MIB1: variants seen among roughly 807,000 people sequenced by gnomAD.
MIB1 encodes E3 ubiquitin-protein ligase MIB1.
Under a neutral mutation model 124.5 loss-of-function variants are expected in MIB1, and 278 were observed. The ratio of observed to expected loss-of-function variants is 2.23; its 90% CI spans 2.02 to 2.47. The LOEUF (loss-of-function observed/expected upper bound fraction) is 2.47. Among genes scored for constraint, MIB1 ranks in the 30% most tolerant of loss-of-function variants. MIB1 has a pLI of 0.00. For synonymous variants in MIB1, 446 were observed against 429.4 expected, an observed-to-expected ratio of 1.04 and a Z score of -0.48; for missense variants, 957 against 1,254.4, an observed-to-expected ratio of 0.76 and a Z score of 3.58.
chr18:21,835,394 A>G (rs1210742814), intron 12 of MIB1, among the ~76,000 whole-genome samples: 1 of 152,150 alleles, frequency 6.6e-6, no homozygotes, highest in Non-Finnish European at 1.5e-5. Flanking sequence ...ACATAAGAAG[A>G]GAGGAAAGAG....
chr18:21,843,150 T>C lies in MIB1; in HGVS notation c.1982T>C (p.Ile661Thr). 1 of 1,602,630 alleles carries C rather than the reference T, an allele frequency of 6.2e-7. No individual in the cohort carries two copies. The highest frequency in any genetic ancestry group is 8.5e-7 in the Non-Finnish European group (1 of 1,175,800). The change falls in exon 14 of 21, where the codon ATC (isoleucine) becomes ACC (threonine). Residue 661 changes from isoleucine to threonine, a missense_variant. Physicochemically the swap from Ile to Thr is moderately conservative, Grantham distance 89 (BLOSUM62 -1). Transcript: ENST00000261537. ...GTTCAGGGTAATGCAAACCTGGATATCCAGAATGTGAACCAACAAACTGCC... is the reference window on the plus strand; with the variant it reads ...GTTCAGGGTAATGCAAACCTGGATACCCAGAATGTGAACCAACAAACTGCC... The part of the protein sequence containing the change: ...LVHQGNANLD[I>T]QNVNQQTALH...
intron 1 of MIB1, among the ~76,000 whole-genome samples, chr18:21,743,784 A>G (rs567409327): frequency 6.6e-6 from 1 of 152,370 alleles, no homozygotes; most frequent in South Asian, 2.1e-4. Context: ...TTAAGTATCT[A>G]GGGTAAAGTG....
At chr18:21,820,535 A>G (rs1490020200) in intron 12 of MIB1, among the ~76,000 whole-genome samples, 1 of 152,226 alleles carries the variant, frequency 6.6e-6, no homozygotes, top group African/African-American at 2.4e-5. Context: ...CAGTGGGTAT[A>G]TATTGTAGGA....
intron 4 of MIB1, among the ~76,000 whole-genome samples, chr18:21,774,722 T>G (rs1323345321): frequency 1.3e-5 from 2 of 152,080 alleles, no homozygotes; most frequent in Non-Finnish European, 2.9e-5. Flanking sequence ...ATTTCCTTTT[T>G]AAAAATCAAC....
chr18:21,759,886 T>C (rs1173610652), intron 1 of MIB1, among the ~76,000 whole-genome samples: 2 of 152,220 alleles, frequency 1.3e-5, no homozygotes, highest in Non-Finnish European at 2.9e-5. Context: ...CTGAAGAATG[T>C]AGTTATTGAT....
intron 9 of MIB1, among the ~76,000 whole-genome samples, chr18:21,800,824 C>G (rs139523315): frequency 1.3e-5 from 2 of 152,044 alleles, no homozygotes; most frequent in South Asian, 2.1e-4. Context: ...TGTAGCAATA[C>G]AGCACAGCAA....
chr18:21,867,035 C>T lies in MIB1; in HGVS notation c.*2369C>T, dbSNP rs2042325973. The stretch of plus-strand genomic sequence containing the variant: ...TTCCAGTTAGGTTCGTTACCCTGCT[C>T]ATTAGCTAAACCTCTTTATCTTGTG... On this transcript the variant is annotated 3_prime_UTR_variant, in exon 21 of 21. Coordinates refer to ENST00000261537, the MANE Select transcript of MIB1 (RefSeq NM_020774.4). 1.3e-5 allele frequency: 2 copies of T among 152,696 alleles called. No individual in the cohort carries two copies. Among genetic ancestry groups the T allele is most frequent in the Admixed American group, 6.5e-5 (1 of 15,294 alleles). The allele number at this position is 152,696 out of a possible 1,614,324, so 9.5% of individuals were successfully genotyped here. A position where few individuals can be genotyped will look rare whatever the true frequency, so the allele number is the denominator to read the frequency against.
At chr18:21,808,593 T>G (rs973338725) in intron 10 of MIB1, among the ~76,000 whole-genome samples, 2 of 152,160 alleles carry the variant, frequency 1.3e-5, no homozygotes, top group Non-Finnish European at 2.9e-5. Context: ...ATATTTTGTT[T>G]CCTATTTCTT....
intron 2 of MIB1, among the ~76,000 whole-genome samples, chr18:21,768,029 T>C (rs531010180): frequency 5.0e-4 from 76 of 152,188 alleles, no homozygotes; most frequent in Non-Finnish European, 9.3e-4. Flanking sequence ...CCTTTTAGAC[T>C]GATGATGCTT....
At position 21,741,487 on chromosome 18, in the gene MIB1, G is replaced by C. The variant is rs2040849835; in HGVS notation, c.-97G>C. 2.8e-6 allele frequency: 2 copies of C among 727,054 alleles called. No individual in the cohort carries two copies. The highest frequency in any genetic ancestry group is 3.6e-6 in the Non-Finnish European group (2 of 550,990). The allele number at this position is 727,054 out of a possible 1,614,324, so 45.0% of individuals were successfully genotyped here. On this transcript the variant is annotated 5_prime_UTR_variant, in exon 1 of 21. Coordinates refer to ENST00000261537, the MANE Select transcript of MIB1 (RefSeq NM_020774.4). The surrounding 1 kb of genome is among the most constrained non-coding windows in gnomAD (Gnocchi z 5.4). Reference sequence around the variant, plus strand: ...GGGGCTCGCTGCCGCCCCCGCCGACGCCTAGAGTCCGGCCCGGGCCCAACT... The same window carrying C: ...GGGGCTCGCTGCCGCCCCCGCCGACCCCTAGAGTCCGGCCCGGGCCCAACT...
intron 5 of MIB1, among the ~76,000 whole-genome samples, chr18:21,779,019 A>G (rs1012648239): frequency 6.6e-6 from 1 of 152,184 alleles, no homozygotes; most frequent in Admixed American, 6.5e-5. Flanking sequence ...ACATATTTTA[A>G]AAAGCTCTTT....
At chr18:21,722,866 C>T (rs1268438105) in intron 1 of MIB1, among the ~76,000 whole-genome samples, 1 of 152,130 alleles carries the variant, frequency 6.6e-6, no homozygotes, top group African/African-American at 2.4e-5. Context: ...CATGACATCA[C>T]CAGGAATGTT....
At chr18:21,816,824 T>G (rs772659151) in intron 11 of MIB1, among the ~76,000 whole-genome samples, 7 of 152,166 alleles carry the variant, frequency 4.6e-5, no homozygotes, top group Non-Finnish European at 7.4e-5. Flanking sequence ...GCAGCTGTTT[T>G]GGAACTGTTG....
chr18:21,856,140 G>A (rs1398642414), intron 18 of MIB1, among the ~76,000 whole-genome samples: 1 of 151,034 alleles, frequency 6.6e-6, no homozygotes, highest in Non-Finnish European at 1.5e-5. Flanking sequence ...TGAGGCAGGA[G>A]AATGGCGTGA....
chr18:21,803,408 G>C (rs2041670556), intron 9 of MIB1, among the ~76,000 whole-genome samples: 1 of 152,116 alleles, frequency 6.6e-6, no homozygotes, highest in South Asian at 2.1e-4. Flanking sequence ...TATAATAGTT[G>C]TATATAACTA....
intron 17 of MIB1, among the ~76,000 whole-genome samples, chr18:21,852,766 C>T (rs190672889): frequency 4.6e-5 from 7 of 152,260 alleles, no homozygotes; most frequent in African/African-American, 1.7e-4. Flanking sequence ...ATCTGTCTTT[C>T]AGTCATTTCT....
At chr18:21,724,195 T>A (rs2040727278) in intron 1 of MIB1, 1 of 152,672 alleles carries the variant, frequency 6.5e-6, no homozygotes, top group Non-Finnish European at 1.5e-5. Flanking sequence ...CTTTGTTTCT[T>A]CTTTACTCCC....
rs1311712247 is a variant in MIB1, at chr18:21,858,565, A to G, written c.2799A>G (p.Val933=). 2 of 1,567,152 alleles carry G rather than the reference A, an allele frequency of 1.3e-6. No homozygotes were observed. The highest frequency in any genetic ancestry group is 1.7e-5 in the Admixed American group (1 of 59,558). Residue 933 remains valine, a synonymous_variant, in exon 20 of 21, where the codon GTA becomes GTG. Transcript: ENST00000261537. ...TDDISSGNIP[V]LQKDKDNTNV... ...TTATAGCAAGTGGGAATATTCCAGT[A>G]TTACAAAAGGACAAGGATAATACCA...
chr18:21,765,807 C>G lies in MIB1; in HGVS notation c.265C>G (p.Arg89Gly), dbSNP rs778947880. ...KHDGTMCDTC[R>G]QQPIIGIRWK... ...TGATGGAACCATGTGTGATACCTGC[C>G]GCCAGCAACCAATCATTGGCATTCG... The change falls in exon 2 of 21, where the codon CGC becomes GGC. Residue 89 changes from arginine (R) to glycine (G), a missense_variant. Physicochemically the swap from Arg to Gly is moderately radical, Grantham distance 125. Transcript: ENST00000261537. 1.4e-5 allele frequency: 23 copies of G among 1,613,944 alleles called. No homozygotes were observed. The South Asian group carries it at 2.5e-4, about 18-fold the overall frequency.
Sources: allele counts gnomAD v4.1 joint callset (sites outside exome capture counted in the v4.1 genomes callset), GRCh38; gene constraint gnomAD v4.1.1; non-coding constraint Gnocchi (gnomAD v3.1); transcripts MANE v1.5; gene names NCBI Gene and HGNC (gene_info 2026-07-23, HGNC 2026-07-21).